The following FAM222B variants were observed in gnomAD, a reference collection of about 807,000 sequenced individuals.
FAM222B encodes protein FAM222B.
Under a neutral mutation model 38.0 loss-of-function variants are expected in FAM222B, and 12 were observed. The ratio of observed to expected loss-of-function variants is 0.32; its 90% CI spans 0.20 to 0.51. The LOEUF (loss-of-function observed/expected upper bound fraction) is 0.51. Ranked by LOEUF, FAM222B falls within the 20% of genes least tolerant of loss-of-function variation. FAM222B has a pLI of 0.97. For synonymous variants in FAM222B, 329 were observed against 317.2 expected, an observed-to-expected ratio of 1.04 and a Z score of -0.40; for missense variants, 716 against 754.2, an observed-to-expected ratio of 0.95 and a Z score of 0.59.
intron 1 of FAM222B, among the ~76,000 whole-genome samples, chr17:28,790,975 T>C (rs1398291784): frequency 1.4e-5 from 2 of 138,458 alleles, no homozygotes; most frequent in Non-Finnish European, 3.0e-5. Context: ...CTTGGCTCAC[T>C]GCAAGCTCCG....
chr17:28,794,035 C>T (rs923554762), intron 1 of FAM222B, among the ~76,000 whole-genome samples: 2 of 152,102 alleles, frequency 1.3e-5, no homozygotes, highest in Non-Finnish European at 2.9e-5. Flanking sequence ...AGGCGTAAGC[C>T]ACGGCTCCCG....
intron 1 of FAM222B, among the ~76,000 whole-genome samples, chr17:28,785,523 G>T (rs2036366033): frequency 6.6e-6 from 1 of 152,040 alleles, no homozygotes; most frequent in Non-Finnish European, 1.5e-5. Flanking sequence ...TGATGATGAT[G>T]ATGATGAGGA....
rs2039085937 is a variant in FAM222B at position 28,842,644 on chromosome 17, TC to T, written c.-41+37del. 2.0e-5 allele frequency: 3 copies of T among 152,596 alleles called. No individual in the cohort carries two copies. In the Admixed American group the frequency reaches 2.0e-4, roughly 10 times the overall value. 9.5% of individuals were successfully genotyped at this position (152,596 alleles called of 1,614,324 possible). ...GTATCCTTCCGCTAAGTTACCCTCT[TC>T]CCACGCGTTGTCCACTCCCCCTCCA... On this transcript the variant is annotated intron_variant, in intron 1 of 2. Coordinates refer to ENST00000581407, the MANE Select transcript of FAM222B (RefSeq NM_001077498.3).
chr17:28,798,822 T>C (rs2037068635), intron 1 of FAM222B, among the ~76,000 whole-genome samples: 1 of 151,988 alleles, frequency 6.6e-6, no homozygotes, highest in Non-Finnish European at 1.5e-5. Flanking sequence ...TTTCACCGTG[T>C]TAGCCAGGAT....
chr17:28,792,122 C>T (rs1167547841), intron 1 of FAM222B, among the ~76,000 whole-genome samples: 2 of 150,196 alleles, frequency 1.3e-5, no homozygotes, highest in East Asian at 2.0e-4. Context: ...CCATCCTGGC[C>T]AACACGGTGA....
rs2034686758 is a variant in FAM222B at position 28,756,306 on chromosome 17, G to A, written c.*1964C>T. 1 of 152,642 alleles carries A rather than the reference G, an allele frequency of 6.6e-6. No individual in the cohort carries two copies. The highest frequency in any genetic ancestry group is 2.1e-4 in the South Asian group (1 of 4,826). 9.5% of individuals were successfully genotyped at this position (152,642 alleles called of 1,614,324 possible). ...AGTACATTTTCCATGCAGACTAAGG[G>A]TGGGAGTGAGAGCTTCAGAGGCTTG... On this transcript the variant is annotated 3_prime_UTR_variant, in exon 3 of 3. Transcript: ENST00000581407.
intron 1 of FAM222B, among the ~76,000 whole-genome samples, chr17:28,784,103 G>C (rs534193215): frequency 6.6e-6 from 1 of 151,982 alleles, no homozygotes; most frequent in African/African-American, 2.4e-5. Context: ...ACACCTGGCC[G>C]AGATTATTTT....
chr17:28,793,858 G>C (rs1239418269), intron 1 of FAM222B, among the ~76,000 whole-genome samples: 1 of 150,206 alleles, frequency 6.7e-6, no homozygotes, highest in African/African-American at 2.5e-5. Context: ...CAATTCTCCT[G>C]CCTCAGCCTC....
chr17:28,816,009 G>A (rs536740681), intron 1 of FAM222B, among the ~76,000 whole-genome samples: 2 of 146,740 alleles, frequency 1.4e-5, no homozygotes, highest in South Asian at 4.3e-4. Flanking sequence ...GGTAGCTGAC[G>A]CCTGTAATCA....
At position 28,760,200 on chromosome 17, in the gene FAM222B, A is replaced by C. The variant is rs117329750; in HGVS notation, c.83-324T>G. ...TAAGTAGAGATCAGAACAGCAAAGC[A>C]TCTTTCAAAGTCTCATATCTTGCAG... On this transcript the variant is annotated intron_variant, in intron 2 of 2. Coordinates refer to ENST00000581407, the MANE Select transcript of FAM222B (RefSeq NM_001077498.3). Among the ~76,000 whole-genome samples the C allele has an allele frequency of 2.6e-4, 40 of 152,284 alleles. No homozygotes were observed. The East Asian group carries it at 7.5e-3, about 29-fold the overall frequency.
intron 1 of FAM222B, among the ~76,000 whole-genome samples, chr17:28,799,157 T>TAG (rs2037092283): frequency 6.7e-6 from 1 of 149,890 alleles, no homozygotes; most frequent in Non-Finnish European, 1.5e-5. Context: ...GTATTTTTAG[T>TAG]AGAGACGGGG....
intron 1 of FAM222B, among the ~76,000 whole-genome samples, chr17:28,772,274 T>C (rs548847025): frequency 1.5e-4 from 23 of 152,284 alleles, no homozygotes; most frequent in Admixed American, 9.8e-4. Context: ...CAGGGAACTT[T>C]ATGAATCCAG....
intron 1 of FAM222B, among the ~76,000 whole-genome samples, chr17:28,826,846 G>C (rs1004462728): frequency 6.6e-6 from 1 of 152,022 alleles, no homozygotes; most frequent in African/African-American, 2.4e-5. Context: ...AGGTGCTGAA[G>C]TTAAAAAGGT....
upstream of FAM222B, among the ~76,000 whole-genome samples, chr17:28,843,657 A>G (rs2039114534): frequency 6.6e-6 from 1 of 152,058 alleles, no homozygotes; most frequent in Admixed American, 6.6e-5. Flanking sequence ...CATGTTGGCC[A>G]GGCTGGTCTC....
chr17:28,790,883 A>AAATTTTTTTTTTTTTTTTTTTTTTTTTT (rs1567838640), intron 1 of FAM222B, among the ~76,000 whole-genome samples: 1 of 8,912 alleles, frequency 1.1e-4, no homozygotes, highest in African/African-American at 5.4e-4. Flanking sequence ...AAATTGTTTC[A>AAATTTTTTTTTTTTTTTTTTTTTTTTTT]CTTTTTTTTT....
intron 1 of FAM222B, among the ~76,000 whole-genome samples, chr17:28,822,128 T>C: frequency 6.7e-6 from 1 of 149,440 alleles, no homozygotes; most frequent in East Asian, 2.2e-4. Context: ...TTCAAGCGAT[T>C]CTCCTGCCTC....
At chr17:28,798,727 C>T (rs1223833588) in intron 1 of FAM222B, among the ~76,000 whole-genome samples, 2 of 151,530 alleles carry the variant, frequency 1.3e-5, no homozygotes, top group Non-Finnish European at 2.9e-5. Flanking sequence ...CTCCGCCTCC[C>T]GGGTTCACAT....
intron 1 of FAM222B, among the ~76,000 whole-genome samples, chr17:28,786,894 ATTTTTTTTT>A (rs34396988): frequency 2.9e-4 from 21 of 72,028 alleles, no homozygotes; most frequent in South Asian, 6.4e-4. Flanking sequence ...CCTTCACTGT[ATTTTTTTTT>A]TTTTTTTTTT....
At chr17:28,832,101 A>G (rs1222830523) in intron 1 of FAM222B, among the ~76,000 whole-genome samples, 1 of 152,198 alleles carries the variant, frequency 6.6e-6, no homozygotes, top group African/African-American at 2.4e-5. Flanking sequence ...GAGGCAGAAG[A>G]AAGGCATGAA....
Sources: gnomAD v4.1 joint callset for allele counts (sites outside exome capture counted in the v4.1 genomes callset) on GRCh38, gnomAD v4.1.1 for gene constraint, MANE v1.5 for transcripts, NCBI Gene and HGNC (gene_info 2026-07-23, HGNC 2026-07-21) for gene names.